The following AKAP12 variants were observed in gnomAD, a reference collection of about 807,000 sequenced individuals.
AKAP12 encodes the protein A-kinase anchor protein 12.
AKAP12 carries 32 observed loss-of-function variants against 79.9 expected under a neutral mutation model. The ratio of observed to expected loss-of-function variants is 0.40; its 90% CI spans 0.30 to 0.54. The LOEUF is 0.54. Ranked by LOEUF, AKAP12 falls within the 20% of genes least tolerant of loss-of-function variation. AKAP12 has a pLI of 0.48. For synonymous variants in AKAP12, 808 were observed against 857.0 expected, an observed-to-expected ratio of 0.94 and a Z score of 1.00; for missense variants, 2,074 against 2,177.0, an observed-to-expected ratio of 0.95 and a Z score of 0.94.
At chr6:151,296,182 A>G (rs1776720304) in intron 2 of AKAP12, among the ~76,000 whole-genome samples, 1 of 152,158 alleles carries the variant, frequency 6.6e-6, no homozygotes, top group Admixed American at 6.6e-5. Context: ...AGAGCTCTGG[A>G]GGCCAATTTC....
At position 151,240,433 on chromosome 6, in the gene AKAP12, A is replaced by C. The variant is rs1796947920; in HGVS notation, c.-130A>C. 9.8e-7 allele frequency: 1 copy of C among 1,016,632 alleles called. No homozygotes were observed. Among genetic ancestry groups the C allele is most frequent in the Admixed American group, 4.3e-5 (1 of 23,114 alleles). The allele number at this position is 1,016,632 out of a possible 1,614,324, so 63.0% of individuals were successfully genotyped here. Reference sequence around the variant, plus strand: ...TCATTCGCAGGCTGGGCGCGTTCGCAGTCGGCTGGCGGCGAAGGAAGGCGC... The same window carrying C: ...TCATTCGCAGGCTGGGCGCGTTCGCCGTCGGCTGGCGGCGAAGGAAGGCGC... On this transcript the variant is annotated 5_prime_UTR_variant, in exon 2 of 5. Transcript: ENST00000402676.
intron 2 of AKAP12, among the ~76,000 whole-genome samples, chr6:151,256,945 G>A (rs990400526): frequency 3.0e-5 from 2 of 65,638 alleles, no homozygotes; most frequent in Non-Finnish European, 5.6e-5. Flanking sequence ...CACCGCGCCC[G>A]GCCTATATAT....
At chr6:151,273,970 A>C (rs1447569788) in intron 2 of AKAP12, among the ~76,000 whole-genome samples, 1 of 151,924 alleles carries the variant, frequency 6.6e-6, no homozygotes, top group East Asian at 1.9e-4. Flanking sequence ...TGGAGGTTGC[A>C]GTGAGCCGAG....
chr6:151,289,247 A>C (rs1460884442), intron 2 of AKAP12, among the ~76,000 whole-genome samples: 2 of 152,202 alleles, frequency 1.3e-5, no homozygotes, highest in African/African-American at 2.4e-5. Flanking sequence ...GCAGACGGGG[A>C]AATTCAAACT....
chr6:151,264,113 A>G (rs1797497031), intron 2 of AKAP12, among the ~76,000 whole-genome samples: 1 of 152,000 alleles, frequency 6.6e-6, no homozygotes, highest in Non-Finnish European at 1.5e-5. Context: ...TGCAGAAGGG[A>G]TTGAATAAAA....
intron 3 of AKAP12, among the ~76,000 whole-genome samples, chr6:151,318,324 T>C (rs1339448105): frequency 2.0e-5 from 3 of 152,222 alleles, no homozygotes; most frequent in Non-Finnish European, 2.9e-5. Flanking sequence ...ATGGTGCTTT[T>C]ATAGCAGCCC....
At chr6:151,285,016 G>T (rs1396622682) in intron 2 of AKAP12, among the ~76,000 whole-genome samples, 1 of 152,238 alleles carries the variant, frequency 6.6e-6, no homozygotes, top group Non-Finnish European at 1.5e-5. Flanking sequence ...GTATGAGCAT[G>T]TGGTGGGTCT....
At chr6:151,317,877 A>G (rs1450991785) in intron 3 of AKAP12, among the ~76,000 whole-genome samples, 1 of 152,230 alleles carries the variant, frequency 6.6e-6, no homozygotes, top group East Asian at 1.9e-4. Flanking sequence ...GAGCAAGAGA[A>G]TTCCTGCTTT....
chr6:151,297,019 G>GT (rs36046672), intron 2 of AKAP12, among the ~76,000 whole-genome samples: 6,814 of 127,618 alleles, frequency 0.053, 510 homozygotes, highest in African/African-American at 0.16. Flanking sequence ...AAATAAAAGG[G>GT]TTTTTTTTTT....
chr6:151,279,030 A>G (rs2745465), intron 2 of AKAP12, among the ~76,000 whole-genome samples: 4,090 of 152,276 alleles, frequency 0.027, 149 homozygotes, highest in East Asian at 0.14. Context: ...ATTAAAACTT[A>G]CTTCATTTCT....
intron 3 of AKAP12, chr6:151,325,744 C>T (rs1322882912): frequency 6.4e-7 from 1 of 1,567,770 alleles, no homozygotes; most frequent in African/African-American, 1.4e-5. Flanking sequence ...TCTGGGCGCT[C>T]AGTCCGCTCT....
intron 3 of AKAP12, chr6:151,325,938 A>G: frequency 1.4e-5 from 23 of 1,613,800 alleles, no homozygotes; most frequent in Non-Finnish European, 1.7e-5. Flanking sequence ...GGCACGGGGC[A>G]CGAAAAGGGG....
intron 2 of AKAP12, among the ~76,000 whole-genome samples, chr6:151,301,115 C>T (rs1403972147): frequency 6.6e-6 from 1 of 152,136 alleles, no homozygotes; most frequent in Non-Finnish European, 1.5e-5. Context: ...TCCTCGAATC[C>T]CATCTGGCTC....
intron 3 of AKAP12, among the ~76,000 whole-genome samples, chr6:151,322,935 G>A (rs1388179268): frequency 3.9e-5 from 6 of 152,236 alleles, no homozygotes; most frequent in African/African-American, 1.4e-4. Flanking sequence ...ACAGCAAAAT[G>A]TTTCCTATAA....
At chr6:151,250,723 A>G (rs1797157822) in intron 2 of AKAP12, among the ~76,000 whole-genome samples, 1 of 150,372 alleles carries the variant, frequency 6.7e-6, no homozygotes, top group Admixed American at 6.6e-5. Flanking sequence ...CTCCTGCCTC[A>G]GCCTCCCGAG....
At chr6:151,341,176 C>G (rs955553297) in intron 3 of AKAP12, among the ~76,000 whole-genome samples, 1 of 151,840 alleles carries the variant, frequency 6.6e-6, no homozygotes. Context: ...CTCAGCCTCC[C>G]GAGTAGCTGG....
intron 2 of AKAP12, among the ~76,000 whole-genome samples, chr6:151,275,950 A>G (rs996632771): frequency 6.6e-6 from 1 of 152,226 alleles, no homozygotes; most frequent in African/African-American, 2.4e-5. Flanking sequence ...GGTTCCATTT[A>G]ATTGGTTAGC....
chr6:151,281,495 A>G (rs1038847357), intron 2 of AKAP12, among the ~76,000 whole-genome samples: 1 of 152,204 alleles, frequency 6.6e-6, no homozygotes, highest in Non-Finnish European at 1.5e-5. Context: ...AGGTCTTCTT[A>G]TATGCTTCAG....
intron 2 of AKAP12, among the ~76,000 whole-genome samples, chr6:151,287,132 G>T (rs1417590970): frequency 1.3e-5 from 2 of 151,868 alleles, no homozygotes; most frequent in Admixed American, 6.6e-5. Context: ...GTAGAGATGG[G>T]GTTTCACCGT....
Sources: allele counts gnomAD v4.1 joint callset (sites outside exome capture counted in the v4.1 genomes callset), GRCh38; gene constraint gnomAD v4.1.1; transcripts MANE v1.5; gene names NCBI Gene and HGNC (gene_info 2026-07-23, HGNC 2026-07-21).